The following SCRG1 variants were observed in gnomAD, a reference collection of about 807,000 sequenced individuals.
SCRG1 encodes the protein stimulator of chondrogenesis 1, also known as scrapie-responsive protein 1.
Under a neutral mutation model 7.7 loss-of-function variants are expected in SCRG1, and 3 were observed. That is an observed-to-expected ratio of 0.39 (90% confidence interval 0.18 to 1.01). The LOEUF is 1.01. Ranked by LOEUF, SCRG1 falls within the 50% of genes least tolerant of loss-of-function variation. The probability of loss-of-function intolerance (pLI) is 0.36; values close to 1 mark genes in which losing one functional copy is unlikely to be tolerated. For missense variants in SCRG1, 110 were observed against 117.2 expected (o/e 0.94, Z 0.28); for synonymous variants, 46 against 41.2 (o/e 1.12, Z -0.44).
chr4:173,504,968 CTTGA>C, the SCRG1 span, among the ~76,000 whole-genome samples: 1 of 152,232 alleles, frequency 6.6e-6, no homozygotes, highest in Non-Finnish European at 1.5e-5. This position sits in a 1 kb window ranked among gnomAD's most constrained non-coding sequence, Gnocchi z 4.7. Context: ...GTCTGTCAGC[CTTGA>C]TTGTCACCAC....
At chr4:173,432,375 T>C in the SCRG1 span, among the ~76,000 whole-genome samples, 2 of 146,066 alleles carry the variant, frequency 1.4e-5, no homozygotes, top group African/African-American at 5.0e-5. Context: ...AAAGGGAGAT[T>C]CCTCTTCCTC....
chr4:173,483,258 T>C, the SCRG1 span, among the ~76,000 whole-genome samples: 4 of 66,312 alleles, frequency 6.0e-5, no homozygotes, highest in African/African-American at 2.5e-4. Context: ...TCATATATGA[T>C]ATATCATATA....
chr4:173,438,259 G>T, the SCRG1 span, among the ~76,000 whole-genome samples: 1 of 151,164 alleles, frequency 6.6e-6, no homozygotes, highest in South Asian at 2.1e-4. Context: ...GGGACTACAG[G>T]CCTCTGCTAC....
At chr4:173,518,547 A>G in the SCRG1 span, among the ~76,000 whole-genome samples, 11 of 151,886 alleles carry the variant, frequency 7.2e-5, no homozygotes, top group Admixed American at 7.2e-4. Flanking sequence ...TCCCCCTCTC[A>G]CCTTGGAGAG....
chr4:173,498,186 A>G, the SCRG1 span, among the ~76,000 whole-genome samples: 7 of 152,250 alleles, frequency 4.6e-5, no homozygotes, highest in Admixed American at 3.3e-4. Flanking sequence ...TCTTATAAAC[A>G]AATCAGACTT....
At chr4:173,484,282 A>G in the SCRG1 span, among the ~76,000 whole-genome samples, 1 of 83,982 alleles carries the variant, frequency 1.2e-5, no homozygotes, top group Non-Finnish European at 2.1e-5. Flanking sequence ...TATATCATAT[A>G]TTTTCTATGT....
chr4:173,518,137 G>T, the SCRG1 span, among the ~76,000 whole-genome samples: 1 of 152,132 alleles, frequency 6.6e-6, no homozygotes, highest in Admixed American at 6.5e-5. Flanking sequence ...CTGTTCTCTC[G>T]TTTTTTTCGC....
the SCRG1 span, among the ~76,000 whole-genome samples, chr4:173,458,758 A>G: frequency 3.3e-5 from 5 of 152,224 alleles, no homozygotes; most frequent in Admixed American, 2.0e-4. Context: ...TTACCTATCA[A>G]TAATACCTTG....
At chr4:173,484,376 ATTATG>A in the SCRG1 span, among the ~76,000 whole-genome samples, 1 of 35,766 alleles carries the variant, frequency 2.8e-5, no homozygotes, top group Non-Finnish European at 5.3e-5. Flanking sequence ...TATATTATAT[ATTATG>A]TATATTTTAT....
upstream of SCRG1, among the ~76,000 whole-genome samples, chr4:173,409,588 C>CTTTTT (rs372218375): frequency 2.2e-5 from 3 of 133,336 alleles, no homozygotes; most frequent in African/African-American, 5.7e-5. Context: ...TCCCTGCATA[C>CTTTTT]TTTTTTTTTT....
At chr4:173,410,239 G>A (rs958526952), upstream of SCRG1, among the ~76,000 whole-genome samples, 3 of 152,214 alleles carry the variant, frequency 2.0e-5, no homozygotes, top group African/African-American at 7.2e-5. Context: ...GTGGTTAGAA[G>A]CCCAATTATA....
the SCRG1 span, among the ~76,000 whole-genome samples, chr4:173,494,262 T>A: frequency 6.6e-6 from 1 of 152,098 alleles, no homozygotes; most frequent in Non-Finnish European, 1.5e-5. Context: ...CCTTAACCTC[T>A]TTTGGCTCTT....
the SCRG1 span, among the ~76,000 whole-genome samples, chr4:173,484,570 A>T: frequency 1.1e-5 from 1 of 89,942 alleles, no homozygotes; most frequent in Non-Finnish European, 1.9e-5. Context: ...TATTATGTAT[A>T]TTTTATATAT....
At chr4:173,451,625 AC>A in the SCRG1 span, among the ~76,000 whole-genome samples, 9 of 45,632 alleles carry the variant, frequency 2.0e-4, no homozygotes, top group African/African-American at 3.9e-4. Flanking sequence ...ATTTTATTTT[AC>A]TTACTTATTT....
chr4:173,437,712 T>A, the SCRG1 span, among the ~76,000 whole-genome samples: 1 of 152,230 alleles, frequency 6.6e-6, no homozygotes, highest in African/African-American at 2.4e-5. Context: ...ATATGGTATC[T>A]TTTAAGCAGG....
the SCRG1 span, among the ~76,000 whole-genome samples, chr4:173,483,010 A>G: frequency 4.6e-5 from 6 of 130,170 alleles, no homozygotes; most frequent in South Asian, 6.6e-4. Context: ...TGTATAATAT[A>G]TTATATAATT....
chr4:173,518,848 G>T, the SCRG1 span, among the ~76,000 whole-genome samples: 2 of 63,830 alleles, frequency 3.1e-5, no homozygotes, highest in Non-Finnish European at 6.6e-5. Context: ...CCGCCCCCCC[G>T]CCCCCTGCTC....
Position 173,385,695 on chromosome 4 carries a change from G to A in SCRG1, c.*2646C>T, listed in dbSNP as rs1221336007. On this transcript the variant is annotated 3_prime_UTR_variant, in exon 3 of 3. Transcript: ENST00000296506. ...TAAAATTTTATTTATTAAATATTTA[G>A]CTTTGTTAGATACAATTTTTCTTAC... is the stretch of plus-strand genomic sequence containing the variant. 6.6e-6 allele frequency: 1 copy of A among 151,950 alleles called. No homozygotes were observed. Among genetic ancestry groups the A allele is most frequent in the African/African-American group, 2.4e-5 (1 of 41,376 alleles). The allele number at this position is 151,950 out of a possible 1,614,324, so 9.4% of individuals were successfully genotyped here.
the SCRG1 span, among the ~76,000 whole-genome samples, chr4:173,461,060 A>G: frequency 1.3e-5 from 2 of 152,106 alleles, no homozygotes; most frequent in Admixed American, 1.3e-4. Flanking sequence ...AATACAATAA[A>G]ATACCAGGTA....
Sources: gnomAD v4.1 joint callset for allele counts (sites outside exome capture counted in the v4.1 genomes callset) on GRCh38, gnomAD v4.1.1 for gene constraint, Gnocchi (gnomAD v3.1) non-coding constraint, MANE v1.5 for transcripts, NCBI Gene and HGNC (gene_info 2026-07-23, HGNC 2026-07-21) for gene names.